ROBO1: variants seen among roughly 807,000 people sequenced by gnomAD.
ROBO1 encodes the protein roundabout homolog 1.
In ROBO1, 149 loss-of-function variants were observed where a neutral mutation model predicts 195.9. The observed-to-expected ratio is 0.76, with a 90% confidence interval of 0.67 to 0.87. The LOEUF (loss-of-function observed/expected upper bound fraction) is 0.87. Ranked by LOEUF, ROBO1 falls within the 40% of genes least tolerant of loss-of-function variation. ROBO1 has a pLI of 0.00. For synonymous variants in ROBO1, 816 were observed against 733.2 expected (o/e 1.11, Z -1.82); for missense variants, 1,933 against 2,068.3 (o/e 0.93, Z 1.27).
At chr3:79,340,576 C>G (rs2034869857) in intron 2 of ROBO1, among the ~76,000 whole-genome samples, 1 of 152,128 alleles carries the variant, frequency 6.6e-6, no homozygotes, top group African/African-American at 2.4e-5. Flanking sequence ...TTCTTCTCAT[C>G]TTAGCAGAGA....
At position 79,364,551 on chromosome 3, in the gene ROBO1, T is replaced by C. The variant is rs552662814; in HGVS notation, c.88+225273A>G. 1.0e-3 allele frequency among the ~76,000 whole-genome samples: 155 copies of C among 152,226 alleles called. 1 individual carries two copies. The highest frequency in any genetic ancestry group is 3.6e-3 in the African/African-American group (148 of 41,554). ...TCAACTTCTTTTGCTTACTCTTGAC[T>C]AATTAATCTTTTCTTCTCTGTGATT... On this transcript the variant is annotated intron_variant, in intron 2 of 30. Coordinates refer to ENST00000464233, the MANE Select transcript of ROBO1 (RefSeq NM_002941.4).
At chr3:79,585,721 G>A (rs1943806564) in intron 2 of ROBO1, among the ~76,000 whole-genome samples, 1 of 151,914 alleles carries the variant, frequency 6.6e-6, no homozygotes, top group Non-Finnish European at 1.5e-5. Context: ...TAGATAATTT[G>A]TAGATATCTG....
intron 1 of ROBO1, among the ~76,000 whole-genome samples, chr3:79,613,698 A>G (rs569051008): frequency 6.6e-6 from 1 of 152,204 alleles, no homozygotes; most frequent in South Asian, 2.1e-4. Context: ...TTTAGATATG[A>G]AAGTCCCAGA....
intron 3 of ROBO1, among the ~76,000 whole-genome samples, chr3:79,057,761 G>T (rs2078839256): frequency 6.6e-6 from 1 of 151,834 alleles, no homozygotes; most frequent in Admixed American, 6.6e-5. Context: ...TATTCTTATT[G>T]GGCTTATGTG....
chr3:78,899,945 T>C (rs1347633468), intron 4 of ROBO1, among the ~76,000 whole-genome samples: 1 of 152,206 alleles, frequency 6.6e-6, no homozygotes, highest in Non-Finnish European at 1.5e-5. Flanking sequence ...CCACAGCGTC[T>C]GATGTTTTAG....
At chr3:78,599,168 G>A (rs1314967769) in intron 30 of ROBO1, among the ~76,000 whole-genome samples, 2 of 152,048 alleles carry the variant, frequency 1.3e-5, no homozygotes, top group Non-Finnish European at 2.9e-5. Flanking sequence ...GTGGGACACA[G>A]GGCTCTGAGA....
At chr3:78,801,117 C>T (rs948696700) in intron 4 of ROBO1, among the ~76,000 whole-genome samples, 15 of 152,018 alleles carry the variant, frequency 9.9e-5, no homozygotes, top group African/African-American at 2.9e-4. Flanking sequence ...CAATCCACCT[C>T]GGGCTTAGGG....
intron 2 of ROBO1, among the ~76,000 whole-genome samples, chr3:79,126,283 C>T (rs1340693661): frequency 6.6e-6 from 1 of 152,140 alleles, no homozygotes; most frequent in African/African-American, 2.4e-5. Context: ...TATTTTCATT[C>T]ATCTATGCTT....
chr3:78,987,839 A>G (rs532429017), intron 3 of ROBO1, among the ~76,000 whole-genome samples: 1 of 152,270 alleles, frequency 6.6e-6, no homozygotes, highest in South Asian at 2.1e-4. Flanking sequence ...ATTATTACAC[A>G]TTGCATGCCT....
chr3:78,860,139 G>GA (rs1553750278), intron 4 of ROBO1, among the ~76,000 whole-genome samples: 4 of 141,976 alleles, frequency 2.8e-5, no homozygotes, highest in Non-Finnish European at 1.5e-5. Context: ...AGGTAGATAG[G>GA]TAGATAGATA....
chr3:79,550,195 G>GAAAGAAAA, intron 2 of ROBO1, among the ~76,000 whole-genome samples: 7 of 100,812 alleles, frequency 6.9e-5, no homozygotes, highest in African/African-American at 3.3e-4. Context: ...AAGAAAGAAA[G>GAAAGAAAA]GAAAAGAAAA....
At chr3:79,683,173 A>G (rs528088815) in intron 1 of ROBO1, among the ~76,000 whole-genome samples, 52 of 152,032 alleles carry the variant, frequency 3.4e-4, no homozygotes, top group Non-Finnish European at 7.5e-4. Context: ...AAAAAACAAT[A>G]GTTTAATGTC....
chr3:78,792,467 T>C (rs2084050040), intron 4 of ROBO1, among the ~76,000 whole-genome samples: 1 of 152,182 alleles, frequency 6.6e-6, no homozygotes, highest in Non-Finnish European at 1.5e-5. Context: ...CAAGTAATTA[T>C]GCAGTCAGGG....
At chr3:79,254,872 T>C (rs947916982) in intron 2 of ROBO1, among the ~76,000 whole-genome samples, 2 of 152,202 alleles carry the variant, frequency 1.3e-5, no homozygotes, top group South Asian at 2.1e-4. Context: ...CTGGTAACTT[T>C]ATAAATGTTT....
intron 5 of ROBO1, among the ~76,000 whole-genome samples, chr3:78,731,512 C>T (rs1035656879): frequency 7.9e-5 from 12 of 152,020 alleles, no homozygotes; most frequent in Admixed American, 6.6e-5. Context: ...ATGGCAAAAA[C>T]TTTCTCCTAG....
At chr3:79,247,226 TTC>T in intron 2 of ROBO1, among the ~76,000 whole-genome samples, 1 of 150,692 alleles carries the variant, frequency 6.6e-6, no homozygotes, top group East Asian at 2.0e-4. Flanking sequence ...ATTTCTTCGT[TTC>T]TCTCTATGAA....
chr3:79,686,798 TA>T (rs1947129072), intron 1 of ROBO1, among the ~76,000 whole-genome samples: 1 of 152,146 alleles, frequency 6.6e-6, no homozygotes. Flanking sequence ...CTGCCTAAGG[TA>T]ATTTATAGAT....
chr3:79,400,638 T>A (rs1404987173), intron 2 of ROBO1, among the ~76,000 whole-genome samples: 3 of 152,098 alleles, frequency 2.0e-5, no homozygotes, highest in Non-Finnish European at 4.4e-5. Context: ...ATGTCATTTA[T>A]ACAGCAAGAC....
chr3:79,264,580 C>T (rs1171737253), intron 2 of ROBO1, among the ~76,000 whole-genome samples: 2 of 151,828 alleles, frequency 1.3e-5, no homozygotes. Flanking sequence ...TACCTATTGT[C>T]ATGCTTGTTA....
Sources: allele counts gnomAD v4.1 joint callset (sites outside exome capture counted in the v4.1 genomes callset), GRCh38; gene constraint gnomAD v4.1.1; transcripts MANE v1.5; gene names NCBI Gene and HGNC (gene_info 2026-07-23, HGNC 2026-07-21).